The following ATP1A1 variants were observed in gnomAD, a reference collection of about 807,000 sequenced individuals.
The protein encoded by ATP1A1 is ATPase Na+/K+ transporting subunit alpha 1, also known as sodium/potassium-transporting ATPase subunit alpha-1.
Under a neutral mutation model 114.8 loss-of-function variants are expected in ATP1A1, and 14 were observed. The ratio of observed to expected loss-of-function variants is 0.12; its 90% CI spans 0.08 to 0.19. ATP1A1 has a LOEUF of 0.19. Ranked by LOEUF, ATP1A1 falls within the 10% of genes least tolerant of loss-of-function variation. The pLI is 1.00. For synonymous variants in ATP1A1, 471 were observed against 466.3 expected (o/e 1.01, Z -0.13); for missense variants, 524 against 1,290.7 (o/e 0.41, Z 9.10).
Position 116,395,162 on chromosome 1 carries a change from T to G in ATP1A1, c.1713T>G (p.Phe571Leu). The G allele has an allele frequency of 6.2e-7, 1 of 1,614,178 alleles. No individual in the cohort carries two copies. Among genetic ancestry groups the G allele is most frequent in the East Asian group, 2.2e-5 (1 of 44,882 alleles). ...AACAGTTTCCTGAAGGGTTCCAGTT[T>G]GACACTGACGATGTGAATTTCCCTA... is the stretch of plus-strand genomic sequence containing the variant. ...PDEQFPEGFQ[F>L]DTDDVNFPID... Residue 571 changes from phenylalanine (F) to leucine (L), a missense_variant, in exon 13 of 23, where the codon TTT becomes TTG. Around this residue, in one of 8 missense-constraint regions of ATP1A1, gnomAD observed 143 missense variants for 259.3 expected, o/e 0.55. Transcript: ENST00000295598. The surrounding 1 kb of genome is among the most constrained non-coding windows in gnomAD (Gnocchi z 6.4).
rs751181971 is a variant in ATP1A1, at chr1:116,384,008, C to T, written c.13-6C>T. On this transcript the variant is annotated splice_region_variant and splice_polypyrimidine_tract_variant and intron_variant, in intron 1 of 22. Transcript: ENST00000295598. The surrounding 1 kb of genome is among the most constrained non-coding windows in gnomAD (Gnocchi z 5.1). ...ATGGCCTCACTTTTCCCACATTCTC[C>T]TACAGGTTGGACGTGATAAGTATGA... is the stretch of plus-strand genomic sequence containing the variant. The T allele has an allele frequency of 1.2e-6, 2 of 1,612,186 alleles. No homozygotes were observed. The highest frequency in any genetic ancestry group is 2.2e-5 in the East Asian group (1 of 44,872).
chr1:116,376,716 G>C (rs989009818), intron 1 of ATP1A1, among the ~76,000 whole-genome samples: 1 of 152,116 alleles, frequency 6.6e-6, no homozygotes, highest in Non-Finnish European at 1.5e-5. Flanking sequence ...GAAAGGGAGA[G>C]GCCTGCCTCC....
At position 116,397,811 on chromosome 1, in the gene ATP1A1, A is replaced by C. The variant is rs1242898100; in HGVS notation, c.1974-77A>C. On this transcript the variant is annotated intron_variant, in intron 14 of 22. Coordinates refer to ENST00000295598, the MANE Select transcript of ATP1A1 (RefSeq NM_000701.8). The surrounding 1 kb of genome is among the most constrained non-coding windows in gnomAD (Gnocchi z 4.2). ...TGTTTACAAAGTGATCTGCATAAGA[A>C]TATCCCCTCTTGAGGTGATGGACAC... is the stretch of plus-strand genomic sequence containing the variant. The C allele has an allele frequency of 6.6e-7, 1 of 1,506,762 alleles. No homozygotes were observed. The highest frequency in any genetic ancestry group is 9.0e-7 in the Non-Finnish European group (1 of 1,116,588). The allele number at this position is 1,506,762 out of a possible 1,614,324, so 93.3% of individuals were successfully genotyped here. A position where few individuals can be genotyped will look rare whatever the true frequency, so the allele number is the denominator to read the frequency against.
rs901438076 is a variant in ATP1A1, at chr1:116,384,980, T to C, written c.183+138T>C. 1.2e-6 allele frequency: 1 copy of C among 807,278 alleles called. No homozygotes were observed. The highest frequency in any genetic ancestry group is 1.6e-5 in the South Asian group (1 of 62,596). 50.0% of individuals were successfully genotyped at this position (807,278 alleles called of 1,614,324 possible). The stretch of plus-strand genomic sequence containing the variant: ...CCATCTGCGTATCTACCATGTGACA[T>C]GCACAGAATTTGGGCATTTATATGC... On this transcript the variant is annotated intron_variant, in intron 3 of 22. Coordinates refer to ENST00000295598, the MANE Select transcript of ATP1A1 (RefSeq NM_000701.8). The surrounding 1 kb of genome is among the most constrained non-coding windows in gnomAD (Gnocchi z 5.1).
rs746674690 is a variant in ATP1A1 at position 116,388,280 on chromosome 1, TGAC to T, written c.501+37_501+39del. 1 of 1,481,912 alleles carries T rather than the reference TGAC, an allele frequency of 6.7e-7. No homozygotes were observed. The highest frequency in any genetic ancestry group is 1.4e-5 in the African/African-American group (1 of 72,266). The allele number at this position is 1,481,912 out of a possible 1,614,324, so 91.8% of individuals were successfully genotyped here. ...CTTTGTCCTTCCCCAGTGGATGACT[TGAC>T]AGCCCCAAGCATGTCAGCCTGTGAA... On this transcript the variant is annotated intron_variant, in intron 5 of 22. Transcript: ENST00000295598. The surrounding 1 kb of genome is among the most constrained non-coding windows in gnomAD (Gnocchi z 5.6).
Position 116,393,980 on chromosome 1 carries a change from G to A in ATP1A1, c.1660+257G>A, listed in dbSNP as rs1652692141. ...GCTTCTGACTTGTACTTAGACCTTT[G>A]GTCTCATGCTAGTCAGTTCTGTTTG... On this transcript the variant is annotated intron_variant, in intron 12 of 22. Coordinates refer to ENST00000295598, the MANE Select transcript of ATP1A1 (RefSeq NM_000701.8). The surrounding 1 kb of genome is among the most constrained non-coding windows in gnomAD (Gnocchi z 5.0). Among the ~76,000 whole-genome samples, 1 of 151,902 alleles carries A rather than the reference G, an allele frequency of 6.6e-6. No homozygotes were observed. The highest frequency in any genetic ancestry group is 1.5e-5 in the Non-Finnish European group (1 of 68,010).
In ATP1A1 at chr1:116,373,409, C is replaced by G; in HGVS notation, c.-103C>G. On this transcript the variant is annotated 5_prime_UTR_variant, in exon 1 of 23. Coordinates refer to ENST00000295598, the MANE Select transcript of ATP1A1 (RefSeq NM_000701.8). ...CCCGCGGCAGCCCTAGCTCCCTCCA[C>G]TTGGCTCCCCTGGTCCCGCTCGCTC... 1 of 1,276,918 alleles carries G rather than the reference C, an allele frequency of 7.8e-7. No individual in the cohort carries two copies. The allele number at this position is 1,276,918 out of a possible 1,614,324, so 79.1% of individuals were successfully genotyped here. A position where few individuals can be genotyped will look rare whatever the true frequency, so the allele number is the denominator to read the frequency against.
In ATP1A1 at chr1:116,397,912, C is replaced by T. The variant is rs377724625; in HGVS notation, c.1998C>T (p.His666=). The change falls in exon 15 of 23, where the codon CAC becomes CAT. Residue 666 remains histidine, a synonymous_variant. Coordinates refer to ENST00000295598, the MANE Select transcript of ATP1A1 (RefSeq NM_000701.8). The surrounding 1 kb of genome is among the most constrained non-coding windows in gnomAD (Gnocchi z 4.2). ...GGGATGCCAAGGCCTGCGTAGTACACGGCAGTGATCTAAAGGACATGACCT... is the reference window on the plus strand; with the variant it reads ...GGGATGCCAAGGCCTGCGTAGTACATGGCAGTGATCTAAAGGACATGACCT... The part of the protein sequence containing the change: ...NPRDAKACVV[H]GSDLKDMTSE... 3.1e-5 allele frequency: 50 copies of T among 1,612,060 alleles called. No individual in the cohort carries two copies. The highest frequency in any genetic ancestry group is 2.4e-4 in the African/African-American group (18 of 74,252).
Position 116,401,306 on chromosome 1 carries a change from C to T in ATP1A1, c.2849+46C>T, listed in dbSNP as rs1296371937. 3 of 1,610,824 alleles carry T rather than the reference C, an allele frequency of 1.9e-6. No homozygotes were observed. The highest frequency in any genetic ancestry group is 2.5e-6 in the Non-Finnish European group (3 of 1,177,348). ...CAAGGCCTTGGCTCAAAGAAGGGGA[C>T]TGGTGATTTGTAAACCCTTTGCCAA... On this transcript the variant is annotated intron_variant, in intron 20 of 22. Transcript: ENST00000295598. The surrounding 1 kb of genome is among the most constrained non-coding windows in gnomAD (Gnocchi z 4.7).
Position 116,395,224 on chromosome 1 carries a change from T to C in ATP1A1, c.1775T>C (p.Ile592Thr), listed in dbSNP as rs1553192086. The C allele has an allele frequency of 1.2e-6, 2 of 1,614,194 alleles. No homozygotes were observed. Among genetic ancestry groups the C allele is most frequent in the Non-Finnish European group, 1.7e-6 (2 of 1,180,014 alleles). Residue 592 changes from isoleucine to threonine, a missense_variant, in exon 13 of 23, where the codon ATT becomes ACT. By Grantham distance (89) the Ile-to-Thr change is moderately conservative. Coordinates refer to ENST00000295598, the MANE Select transcript of ATP1A1 (RefSeq NM_000701.8). The surrounding 1 kb of genome is among the most constrained non-coding windows in gnomAD (Gnocchi z 6.4). Reference protein sequence around the residue: ...NLCFVGLISMIDPPRAAVPDA... With the variant: ...NLCFVGLISMTDPPRAAVPDA... ...TGCTTTGTTGGGCTCATCTCCATGATTGACCCTCCACGGGCGGCCGTTCCT... is the reference window on the plus strand; with the variant it reads ...TGCTTTGTTGGGCTCATCTCCATGACTGACCCTCCACGGGCGGCCGTTCCT...
intron 21 of ATP1A1, among the ~76,000 whole-genome samples, chr1:116,403,289 C>G (rs1653674802): frequency 6.6e-6 from 1 of 152,186 alleles, no homozygotes; most frequent in African/African-American, 2.4e-5. Flanking sequence ...CGGAGGCTGC[C>G]TGGAGCCTGT....
chr1:116,393,812 C>A lies in ATP1A1; in HGVS notation c.1660+89C>A. The A allele has an allele frequency of 7.7e-7, 1 of 1,302,032 alleles. No homozygotes were observed. The highest frequency in any genetic ancestry group is 1.0e-6 in the Non-Finnish European group (1 of 959,446). The allele number at this position is 1,302,032 out of a possible 1,614,324, so 80.7% of individuals were successfully genotyped here. On this transcript the variant is annotated intron_variant, in intron 12 of 22. Transcript: ENST00000295598. The surrounding 1 kb of genome is among the most constrained non-coding windows in gnomAD (Gnocchi z 5.0). ...GACAGTTAACAAGTGATCCTATGAA[C>A]CTCTATGTCTTGTTGACCTTCCTCT...
At chr1:116,375,126 TAAAAG>T (rs1027648716) in intron 1 of ATP1A1, among the ~76,000 whole-genome samples, 2 of 152,150 alleles carry the variant, frequency 1.3e-5, no homozygotes, top group South Asian at 2.1e-4. Flanking sequence ...TCTCCTGCCT[TAAAAG>T]AAAAAGAAAA....
intron 1 of ATP1A1, among the ~76,000 whole-genome samples, chr1:116,382,104 C>T (rs769031096): frequency 1.1e-4 from 17 of 152,100 alleles, no homozygotes; most frequent in Non-Finnish European, 2.1e-4. Context: ...AACCCTTGGG[C>T]GGAGGTTGCA....
In ATP1A1 at chr1:116,388,461, C is replaced by T. The variant is rs1652242055; in HGVS notation, c.502-177C>T. 3.0e-6 allele frequency: 3 copies of T among 997,290 alleles called. No individual in the cohort carries two copies. The highest frequency in any genetic ancestry group is 4.3e-6 in the Non-Finnish European group (3 of 693,198). 61.8% of individuals were successfully genotyped at this position (997,290 alleles called of 1,614,324 possible). A position where few individuals can be genotyped will look rare whatever the true frequency, so the allele number is the denominator to read the frequency against. ...CTCTGAATACAGGCACACCATGTAACAGCAATATCTCTTAAACTGGCGAGC... is the reference window on the plus strand; with the variant it reads ...CTCTGAATACAGGCACACCATGTAATAGCAATATCTCTTAAACTGGCGAGC... On this transcript the variant is annotated intron_variant, in intron 5 of 22. Coordinates refer to ENST00000295598, the MANE Select transcript of ATP1A1 (RefSeq NM_000701.8). The surrounding 1 kb of genome is among the most constrained non-coding windows in gnomAD (Gnocchi z 5.6).
chr1:116,396,360 G>A (rs1476077770), intron 13 of ATP1A1, among the ~76,000 whole-genome samples: 1 of 142,868 alleles, frequency 7.0e-6, no homozygotes, highest in Non-Finnish European at 1.5e-5. Context: ...TAGACATTGT[G>A]TATGCTAGTG....
chr1:116,379,660 AATTTTC>A (rs1192686596), intron 1 of ATP1A1, among the ~76,000 whole-genome samples: 1 of 152,268 alleles, frequency 6.6e-6, no homozygotes, highest in Admixed American at 6.5e-5. Flanking sequence ...GTTTGAAAAG[AATTTTC>A]ATAGAAAGCG....
Position 116,404,340 on chromosome 1 carries a change from C to A in ATP1A1, c.3044-76C>A. ...CCATCATCCTCCGGTTGGTTTTCAT[C>A]CCTGTTTCCCTCTGTAATGCTGGAG... is the stretch of plus-strand genomic sequence containing the variant. On this transcript the variant is annotated intron_variant, in intron 22 of 22. Transcript: ENST00000295598. This position sits in a 1 kb window ranked among gnomAD's most constrained non-coding sequence, Gnocchi z 4.8. The A allele has an allele frequency of 6.3e-7, 1 of 1,594,262 alleles. No individual in the cohort carries two copies. Among genetic ancestry groups the A allele is most frequent in the South Asian group, 1.1e-5 (1 of 89,778 alleles).
chr1:116,376,882 T>C (rs895152014), intron 1 of ATP1A1, among the ~76,000 whole-genome samples: 1 of 152,240 alleles, frequency 6.6e-6, no homozygotes, highest in Non-Finnish European at 1.5e-5. Flanking sequence ...GGGAATGTTA[T>C]TCCTAAATTG....
Sources: allele counts gnomAD v4.1 joint callset (sites outside exome capture counted in the v4.1 genomes callset), GRCh38; gene constraint gnomAD v4.1.1; regional missense constraint gnomAD v4.1.1; non-coding constraint Gnocchi (gnomAD v3.1); transcripts MANE v1.5; gene names NCBI Gene and HGNC (gene_info 2026-07-23, HGNC 2026-07-21).